Variants in TAS2R1 observed in about 807,000 individuals in gnomAD.
TAS2R1 encodes the protein taste receptor type 2 member 1.
For missense variants in TAS2R1, 370 were observed against 353.4 expected, an observed-to-expected ratio of 1.05 and a Z score of -0.38; for synonymous variants, 141 against 134.2, an observed-to-expected ratio of 1.05 and a Z score of -0.35.
chr5:9,748,921 C>T, the TAS2R1 span, among the ~76,000 whole-genome samples: 1 of 152,126 alleles, frequency 6.6e-6, no homozygotes, highest in African/African-American at 2.4e-5. Context: ...GCCTCCCAAA[C>T]ACCAAAAATA....
chr5:9,705,522 C>T (rs978198771), intron 1 of TAS2R1, among the ~76,000 whole-genome samples: 4 of 152,112 alleles, frequency 2.6e-5, no homozygotes, highest in Admixed American at 1.3e-4. Flanking sequence ...GAGTCGCCAA[C>T]TTTGCTGGTG....
the TAS2R1 span, among the ~76,000 whole-genome samples, chr5:9,778,558 A>G: frequency 0.026 from 3,928 of 152,342 alleles, 61 homozygotes; most frequent in Middle Eastern, 0.082. Context: ...ACAATCGATT[A>G]TTTAGTTCAG....
rs1250817303 is a variant in TAS2R1 at position 9,627,376 on chromosome 5, CT to C, written c.*1756del. ...TTTTAGAATTGTTTTATTATGAATTCTTTTTTTAAACATTTCTTGATAACAG... is the reference window on the plus strand; with the variant it reads ...TTTTAGAATTGTTTTATTATGAATTCTTTTTTAAACATTTCTTGATAACAG... On this transcript the variant is annotated 3_prime_UTR_variant, in exon 1 of 1. Coordinates refer to ENST00000382492, the MANE Select transcript of TAS2R1 (RefSeq NM_019599.3). Among the ~76,000 whole-genome samples, 1 of 152,082 alleles carries C rather than the reference CT, an allele frequency of 6.6e-6. No homozygotes were observed. The highest frequency in any genetic ancestry group is 2.4e-5 in the African/African-American group (1 of 41,404).
At chr5:9,791,223 A>G in the TAS2R1 span, among the ~76,000 whole-genome samples, 1 of 152,146 alleles carries the variant, frequency 6.6e-6, no homozygotes, top group African/African-American at 2.4e-5. Flanking sequence ...CACACGGATC[A>G]TGGGTATGAT....
the TAS2R1 span, chr5:9,760,900 C>T: frequency 2.0e-5 from 3 of 152,164 alleles, 1 homozygote; most frequent in East Asian, 3.9e-4. Context: ...GAAAGAAAAC[C>T]CTCTTCGTCC....
the TAS2R1 span, among the ~76,000 whole-genome samples, chr5:9,743,181 G>A: frequency 1.3e-5 from 2 of 152,158 alleles, no homozygotes; most frequent in East Asian, 1.9e-4. Context: ...CAACTCTCTT[G>A]GACTTTACTG....
intron 1 of TAS2R1, among the ~76,000 whole-genome samples, chr5:9,667,233 T>G (rs933451935): frequency 1.3e-5 from 2 of 152,212 alleles, no homozygotes; most frequent in Admixed American, 6.5e-5. Context: ...TGCAGCTTCC[T>G]GTTGTCCAGG....
chr5:9,884,576 C>G, the TAS2R1 span, among the ~76,000 whole-genome samples: 24 of 151,642 alleles, frequency 1.6e-4, no homozygotes, highest in African/African-American at 5.3e-4. Flanking sequence ...CAGCAGATAC[C>G]TTTTGATCTT....
intron 1 of TAS2R1, among the ~76,000 whole-genome samples, chr5:9,707,213 G>C (rs1741635776): frequency 6.6e-6 from 1 of 152,148 alleles, no homozygotes; most frequent in African/African-American, 2.4e-5. Context: ...GCTGGTGGTG[G>C]AGCTGGGAGA....
At chr5:9,704,797 C>T (rs1401648045) in intron 1 of TAS2R1, among the ~76,000 whole-genome samples, 1 of 152,142 alleles carries the variant, frequency 6.6e-6, no homozygotes. Context: ...GGAAAACAGA[C>T]ATTTTCATAT....
At chr5:9,690,611 GA>G (rs1305903061) in intron 1 of TAS2R1, among the ~76,000 whole-genome samples, 3 of 152,030 alleles carry the variant, frequency 2.0e-5, no homozygotes, top group Non-Finnish European at 2.9e-5. Flanking sequence ...ATTTCTGTCA[GA>G]GGGGGGGAAA....
chr5:9,647,540 T>TA (rs1314829599), intron 2 of TAS2R1, among the ~76,000 whole-genome samples: 2 of 151,946 alleles, frequency 1.3e-5, no homozygotes, highest in Non-Finnish European at 2.9e-5. Flanking sequence ...GTGAGAAAAG[T>TA]AAAAAACATT....
chr5:9,674,318 G>C (rs1740827724), intron 1 of TAS2R1, among the ~76,000 whole-genome samples: 2 of 152,190 alleles, frequency 1.3e-5, no homozygotes, highest in South Asian at 4.2e-4. Flanking sequence ...AGGATATTAT[G>C]ATAAACAATA....
At chr5:9,832,936 C>G in the TAS2R1 span, among the ~76,000 whole-genome samples, 1 of 152,292 alleles carries the variant, frequency 6.6e-6, no homozygotes, top group African/African-American at 2.4e-5. Context: ...TGCTTTTATA[C>G]ATTTTAGGGA....
At chr5:9,727,805 C>A in the TAS2R1 span, among the ~76,000 whole-genome samples, 1 of 152,160 alleles carries the variant, frequency 6.6e-6, no homozygotes, top group South Asian at 2.1e-4. Flanking sequence ...CCCAAGGCAG[C>A]CTTGCAGAGC....
In TAS2R1 at chr5:9,697,178, T is replaced by TA. The variant is rs796368319; in HGVS notation, c.-242+14993dup. On this transcript the variant is annotated intron_variant, in intron 1 of 2. Transcript: ENST00000506620. ...AAATCTGAAAGACACCTTTTTTGTT[T>TA]AAAAAAAAAGACAACCTCTTGAAAC... Among the ~76,000 whole-genome samples the TA allele has an allele frequency of 3.3e-3, 490 of 150,334 alleles. 5 individuals are homozygous for TA. Among genetic ancestry groups the TA allele is most frequent in the African/African-American group, 0.01 (429 of 41,028 alleles).
At chr5:9,736,321 C>T in the TAS2R1 span, among the ~76,000 whole-genome samples, 1 of 152,242 alleles carries the variant, frequency 6.6e-6, no homozygotes, top group Non-Finnish European at 1.5e-5. Context: ...AGCAGGACAG[C>T]GTCCCAGCCT....
upstream of TAS2R1, among the ~76,000 whole-genome samples, chr5:9,632,549 C>A (rs1266210081): frequency 1.3e-5 from 2 of 152,200 alleles, no homozygotes; most frequent in Non-Finnish European, 2.9e-5. Context: ...AAACTGGAGT[C>A]AGTCCTCTCA....
At chr5:9,768,255 G>A in the TAS2R1 span, among the ~76,000 whole-genome samples, 1 of 152,168 alleles carries the variant, frequency 6.6e-6, no homozygotes, top group Non-Finnish European at 1.5e-5. Context: ...AGGTTCACCA[G>A]CTAAAAGACA....
Sources: gnomAD v4.1 joint callset for allele counts (sites outside exome capture counted in the v4.1 genomes callset) on GRCh38, gnomAD v4.1.1 for gene constraint, MANE v1.5 for transcripts, NCBI Gene and HGNC (gene_info 2026-07-23, HGNC 2026-07-21) for gene names.